The following AVEN variants were observed in gnomAD, a reference collection of about 807,000 sequenced individuals.
AVEN encodes the protein apoptosis and caspase activation inhibitor.
A neutral mutation model predicts 38.1 loss-of-function variants in AVEN; 41 were observed. That is an observed-to-expected ratio of 1.08 (90% confidence interval 0.84 to 1.40). AVEN has a LOEUF of 1.40. Among genes scored for constraint, AVEN ranks in the 40% most tolerant of loss-of-function variants. The probability of loss-of-function intolerance (pLI) is 0.00; values close to 1 mark genes in which losing one functional copy is unlikely to be tolerated. For synonymous variants in AVEN, 206 were observed against 171.8 expected (o/e 1.20, Z -1.56); for missense variants, 605 against 438.8 (o/e 1.38, Z -3.38).
intron 2 of AVEN, among the ~76,000 whole-genome samples, chr15:33,940,871 T>C (rs1470825893): frequency 2.6e-5 from 4 of 152,298 alleles, no homozygotes; most frequent in Admixed American, 2.0e-4. Context: ...TTAGGCTGAA[T>C]AGGGATTCAA....
chr15:33,960,244 T>C (rs527335398), intron 2 of AVEN, among the ~76,000 whole-genome samples: 12 of 152,252 alleles, frequency 7.9e-5, no homozygotes, highest in Admixed American at 1.3e-4. Context: ...AATTAATAAA[T>C]AGAATTTTAA....
At chr15:33,944,344 G>C (rs571421145) in intron 2 of AVEN, among the ~76,000 whole-genome samples, 1 of 152,098 alleles carries the variant, frequency 6.6e-6, no homozygotes, top group Non-Finnish European at 1.5e-5. Context: ...GTTCAGTGCC[G>C]GCAACTATAA....
chr15:33,915,382 C>T (rs1405201677), intron 2 of AVEN, among the ~76,000 whole-genome samples: 1 of 152,282 alleles, frequency 6.6e-6, no homozygotes, highest in East Asian at 1.9e-4. Flanking sequence ...GATCATCCAC[C>T]CCCAAGCACA....
At position 33,871,023 on chromosome 15, in the gene AVEN, G is replaced by A. The variant is rs764619535; in HGVS notation, c.524C>T (p.Ala175Val). ...CAATAACTCACTATCCACATAAAAT[G>A]CTGAATTCTATATATATATATAAAA... ...SEASCPKQNS[A>V]FYVDSELLVR... is the part of the protein sequence containing the mutation. Residue 175 changes from alanine (A) to valine (V), a missense_variant, in exon 4 of 6, where the codon GCA becomes GTA. Physicochemically the swap from Ala to Val is moderately conservative, Grantham distance 64. Coordinates refer to ENST00000306730, the MANE Select transcript of AVEN (RefSeq NM_020371.3). The A allele has an allele frequency of 1.3e-6, 2 of 1,588,884 alleles. No homozygotes were observed. The highest frequency in any genetic ancestry group is 1.7e-5 in the Admixed American group (1 of 58,946).
intron 2 of AVEN, among the ~76,000 whole-genome samples, chr15:33,978,803 G>A (rs780635005): frequency 6.6e-6 from 1 of 151,976 alleles, no homozygotes; most frequent in Non-Finnish European, 1.5e-5. Context: ...ATATTAGAAG[G>A]ATATATTAAT....
intron 3 of AVEN, among the ~76,000 whole-genome samples, chr15:33,872,473 G>A (rs990451715): frequency 6.6e-6 from 1 of 152,138 alleles, no homozygotes; most frequent in Non-Finnish European, 1.5e-5. Context: ...ACATGGTATG[G>A]TGGAGTAATA....
intron 5 of AVEN, among the ~76,000 whole-genome samples, chr15:34,056,801 G>A (rs539204521): frequency 2.0e-5 from 3 of 152,104 alleles, no homozygotes; most frequent in Non-Finnish European, 4.4e-5. Context: ...CAGATCACTT[G>A]AGGCCAGGAG....
At chr15:33,963,771 T>A (rs1895285001) in intron 2 of AVEN, among the ~76,000 whole-genome samples, 1 of 125,902 alleles carries the variant, frequency 7.9e-6, no homozygotes. Context: ...CATTCCAGCC[T>A]GGGCGACAGA....
At chr15:34,075,282 A>G (rs1900706534), upstream of AVEN, among the ~76,000 whole-genome samples, 2 of 152,140 alleles carry the variant, frequency 1.3e-5, no homozygotes, top group South Asian at 4.2e-4. Flanking sequence ...GGGAGGCCTC[A>G]GGAAACTTAC....
At chr15:33,900,287 T>C (rs1055510163) in intron 2 of AVEN, among the ~76,000 whole-genome samples, 2 of 148,678 alleles carry the variant, frequency 1.3e-5, no homozygotes, top group Non-Finnish European at 3.0e-5. Context: ...TGCGGGAAAG[T>C]GGATAGAGTT....
chr15:33,980,777 T>C (rs1896103341), intron 2 of AVEN, among the ~76,000 whole-genome samples: 1 of 152,162 alleles, frequency 6.6e-6, no homozygotes, highest in African/African-American at 2.4e-5. Flanking sequence ...CCTTAACTAG[T>C]TCCCAAATCC....
chr15:34,036,416 C>CT (rs1244006464), intron 1 of AVEN, among the ~76,000 whole-genome samples: 7 of 152,250 alleles, frequency 4.6e-5, no homozygotes, highest in Non-Finnish European at 8.8e-5. Context: ...CTTTACATGG[C>CT]TAGGAGTCTA....
downstream of AVEN, among the ~76,000 whole-genome samples, chr15:33,862,377 T>C (rs1036559680): frequency 0.025 from 11 of 440 alleles, no homozygotes; most frequent in Non-Finnish European, 0.013. Context: ...ACCAGCTAAT[T>C]TTTTTTTTTG....
At chr15:34,024,482 A>G (rs1247190970) in intron 1 of AVEN, among the ~76,000 whole-genome samples, 4 of 121,958 alleles carry the variant, frequency 3.3e-5, no homozygotes, top group Non-Finnish European at 7.2e-5. Flanking sequence ...CAAAAAAAAA[A>G]AAAAAAAAAA....
intron 2 of AVEN, among the ~76,000 whole-genome samples, chr15:33,977,982 A>G (rs1895957567): frequency 6.9e-6 from 1 of 144,744 alleles, no homozygotes; most frequent in Admixed American, 6.9e-5. Flanking sequence ...AAAAGGAAAA[A>G]GAAAGGAAGA....
chr15:34,012,448 T>G (rs1233757747), intron 1 of AVEN, among the ~76,000 whole-genome samples: 1 of 152,228 alleles, frequency 6.6e-6, no homozygotes, highest in Admixed American at 6.5e-5. Context: ...CCATTGCCAC[T>G]GACCATTTAC....
intron 1 of AVEN, among the ~76,000 whole-genome samples, chr15:34,023,363 A>T (rs1221420225): frequency 6.6e-6 from 1 of 152,144 alleles, no homozygotes; most frequent in East Asian, 1.9e-4. Flanking sequence ...GGCTAACCTC[A>T]TCTTGGCCGA....
intron 1 of AVEN, among the ~76,000 whole-genome samples, chr15:34,009,948 T>TG (rs1897565657): frequency 1.3e-5 from 2 of 151,834 alleles, no homozygotes; most frequent in South Asian, 4.2e-4. Context: ...GGCAATGGAG[T>TG]GAAACCCTGT....
At chr15:33,991,394 A>C (rs1387494271) in intron 2 of AVEN, 1 of 152,176 alleles carries the variant, frequency 6.6e-6, no homozygotes, top group African/African-American at 2.4e-5. Flanking sequence ...GCTTGAGAGG[A>C]TGGATACCCA....
Sources: gnomAD v4.1 joint callset for allele counts (sites outside exome capture counted in the v4.1 genomes callset) on GRCh38, gnomAD v4.1.1 for gene constraint, MANE v1.5 for transcripts, NCBI Gene and HGNC (gene_info 2026-07-23, HGNC 2026-07-21) for gene names.